SNRNP27: variants seen among roughly 807,000 people sequenced by gnomAD.
SNRNP27 encodes small nuclear ribonucleoprotein U4/U6.U5 subunit 27.
A neutral mutation model predicts 25.1 loss-of-function variants in SNRNP27; 22 were observed. That is an observed-to-expected ratio of 0.88 (90% confidence interval 0.63 to 1.25). The LOEUF (loss-of-function observed/expected upper bound fraction) is 1.25. Ranked by LOEUF, SNRNP27 falls within the 50% of genes most tolerant of loss-of-function variation. The pLI is 0.00. For missense variants in SNRNP27, 150 were observed against 202.3 expected (o/e 0.74, Z 1.57); for synonymous variants, 66 against 64.9 (o/e 1.02, Z -0.08).
chr2:69,895,288 G>A, intron 2 of SNRNP27, 74 bp downstream of exon 2: 1 of 1,552,434 alleles, frequency 6.4e-7, no homozygotes, highest in African/African-American at 1.4e-5. Context: ...TCTTAACTTT[G>A]TTTTCATCGC....
At chr2:69,895,039 G>C (rs765325308) in intron 1 of SNRNP27, 55 bp from the exon 2 acceptor site, 13 of 1,607,058 alleles carry the variant, frequency 8.1e-6, no homozygotes, top group East Asian at 2.2e-5. Context: ...GGACGGCGCA[G>C]CTCTAGATAT....
chr2:69,899,324 T>C (rs980185972), intron 4 of SNRNP27, among the ~76,000 whole-genome samples: 1 of 152,238 alleles, frequency 6.6e-6, no homozygotes, highest in African/African-American at 2.4e-5. Context: ...TGTCTTGTGA[T>C]GTTTCATCAT....
intron 4 of SNRNP27, 71 bp from the exon 5 acceptor site, chr2:69,903,110 C>G: frequency 8.1e-7 from 1 of 1,241,732 alleles, no homozygotes; most frequent in South Asian, 1.2e-5. Flanking sequence ...TGCCACCACA[C>G]CTGCTTTCAT....
chr2:69,896,872 C>T (rs1456931621), intron 3 of SNRNP27, among the ~76,000 whole-genome samples: 1 of 151,950 alleles, frequency 6.6e-6, no homozygotes, highest in Non-Finnish European at 1.5e-5. Context: ...CGGGTTCTCA[C>T]CATGTTAGCC....
chr2:69,904,565 G>A lies in SNRNP27; in HGVS notation c.*257G>A, dbSNP rs1030349607. The stretch of plus-strand genomic sequence containing the variant: ...CCATTTTATTTGTCCTTATTCCTGT[G>A]GAAGCAGTATATGTTTTCTTCCTGA... On this transcript the variant is annotated 3_prime_UTR_variant, in exon 6 of 6. Transcript: ENST00000244227. 1.7e-6 allele frequency: 1 copy of A among 579,022 alleles called. No individual in the cohort carries two copies. Among genetic ancestry groups the A allele is most frequent in the South Asian group, 2.3e-5 (1 of 43,862 alleles). The allele number at this position is 579,022 out of a possible 1,614,324, so 35.9% of individuals were successfully genotyped here. A position where few individuals can be genotyped will look rare whatever the true frequency, so the allele number is the denominator to read the frequency against.
At chr2:69,902,163 A>C (rs1186294229) in intron 4 of SNRNP27, among the ~76,000 whole-genome samples, 1 of 152,060 alleles carries the variant, frequency 6.6e-6, no homozygotes. Context: ...TAGGATCTGG[A>C]AATTATCTCT....
rs755455254 is a variant in SNRNP27, at chr2:69,895,187, C to G, written c.128C>G (p.Ser43Trp). The G allele has an allele frequency of 6.2e-7, 1 of 1,614,112 alleles. No homozygotes were observed. Among genetic ancestry groups the G allele is most frequent in the Non-Finnish European group, 8.5e-7 (1 of 1,180,014 alleles). Residue 43 changes from serine to tryptophan, a missense_variant, in exon 2 of 6, where the codon TCG (serine) becomes TGG (tryptophan). Ser to Trp is a radical substitution (Grantham distance 177, BLOSUM62 -3). Transcript: ENST00000244227. ...GAGAGAGATCGGAGAAGGAGCCGCT[C>G]GCGATCCCCGCACCGAAGACGCTCC... is the stretch of plus-strand genomic sequence containing the variant. Reference protein sequence around the residue: ...SRERDRRRSRSRSPHRRRSRS... With the variant: ...SRERDRRRSRWRSPHRRRSRS...
In SNRNP27 at chr2:69,904,234, A is replaced by G. The variant is rs1676755609; in HGVS notation, c.414-20A>G. On this transcript the variant is annotated intron_variant, in intron 5 of 5. Coordinates refer to ENST00000244227, the MANE Select transcript of SNRNP27 (RefSeq NM_006857.3). ...GTATAGGATTAAAAAAAAACAATGA[A>G]TTTTCTCTTCTCATCATAGGCAGTA... 1.3e-6 allele frequency: 2 copies of G among 1,563,710 alleles called. No individual in the cohort carries two copies. The highest frequency in any genetic ancestry group is 2.1e-5 in the Admixed American group (1 of 47,270).
intron 2 of SNRNP27, 38 bp downstream of exon 2, chr2:69,895,252 A>G (rs1348740889): frequency 1.2e-6 from 2 of 1,606,574 alleles, no homozygotes; most frequent in African/African-American, 1.3e-5. Context: ...TTATTTACCG[A>G]AAGTCCCTAA....
At chr2:69,896,836 G>A (rs1242672896) in intron 3 of SNRNP27, among the ~76,000 whole-genome samples, 1 of 151,994 alleles carries the variant, frequency 6.6e-6, no homozygotes, top group Non-Finnish European at 1.5e-5. Flanking sequence ...ACTATGCCCG[G>A]CTAATTTTTG....
intron 4 of SNRNP27, 116 bp from the exon 5 acceptor site, chr2:69,903,065 T>C: frequency 1.3e-6 from 1 of 797,156 alleles, no homozygotes. Flanking sequence ...ACCTTAGCCT[T>C]CCGCCAAGTA....
intron 4 of SNRNP27, among the ~76,000 whole-genome samples, chr2:69,900,950 G>A (rs1292530907): frequency 2.6e-5 from 4 of 152,024 alleles, no homozygotes; most frequent in African/African-American, 4.8e-5. Flanking sequence ...GCCGAGGCGG[G>A]GGATCACGAG....
intron 5 of SNRNP27, chr2:69,903,478 T>C (rs976452710): frequency 6.7e-6 from 3 of 445,966 alleles, no homozygotes; most frequent in Middle Eastern, 5.9e-4. Context: ...GGACTATAGA[T>C]AGTAATTTCC....
At chr2:69,897,333 T>C in intron 3 of SNRNP27, 44 bp from the exon 4 acceptor site, 1 of 1,300,536 alleles carries the variant, frequency 7.7e-7, no homozygotes. Context: ...TTTATGTATA[T>C]ATTTGAAATG....
chr2:69,896,834 C>T (rs375662026), intron 3 of SNRNP27, among the ~76,000 whole-genome samples: 7 of 152,014 alleles, frequency 4.6e-5, no homozygotes, highest in Middle Eastern at 3.4e-3. Context: ...CCACTATGCC[C>T]GGCTAATTTT....
intron 5 of SNRNP27, 53 bp downstream of exon 5, chr2:69,903,298 C>G (rs1676741307): frequency 1.6e-6 from 2 of 1,253,838 alleles, no homozygotes; most frequent in Non-Finnish European, 2.3e-6. Context: ...TTTTTTACTT[C>G]AAACTTTATT....
intron 1 of SNRNP27, 35 bp downstream of exon 1, chr2:69,894,053 C>G (rs751028714): frequency 2.5e-6 from 4 of 1,585,170 alleles, no homozygotes; most frequent in Non-Finnish European, 2.6e-6. Flanking sequence ...ATATGGGGCT[C>G]TGTTGGAGGC....
rs1370014199 is a variant in SNRNP27, at chr2:69,896,593, T to G, written c.268+45T>G. ...AACTGTAGGAAAAGTACAGTGATGA[T>G]AAAATTATAAAAGTTTAATCTTGAA... On this transcript the variant is annotated intron_variant, in intron 3 of 5. Transcript: ENST00000244227. 3 of 1,485,520 alleles carry G rather than the reference T, an allele frequency of 2.0e-6. No homozygotes were observed. The African/African-American group carries it at 4.2e-5, about 21-fold the overall frequency. 92.0% of individuals were successfully genotyped at this position (1,485,520 alleles called of 1,614,324 possible).
chr2:69,902,179 A>C (rs1676709649), intron 4 of SNRNP27, among the ~76,000 whole-genome samples: 2 of 147,798 alleles, frequency 1.4e-5, no homozygotes, highest in Admixed American at 1.3e-4. Flanking sequence ...TCTCTGCCTC[A>C]TTGGACTCTC....
Sources: gnomAD v4.1 joint callset for allele counts (sites outside exome capture counted in the v4.1 genomes callset) on GRCh38, gnomAD v4.1.1 for gene constraint, MANE v1.5 for transcripts, NCBI Gene and HGNC (gene_info 2026-07-23, HGNC 2026-07-21) for gene names.